Variants in ACBD6 observed in about 807,000 individuals in gnomAD.
The protein encoded by ACBD6 is acyl-CoA binding domain containing 6.
In ACBD6, 28 loss-of-function variants were observed where a neutral mutation model predicts 37.2. The observed-to-expected ratio is 0.75, with a 90% CI of 0.56 to 1.03. The LOEUF is 1.03. ACBD6 is among the 50% of genes least tolerant of loss of function. The probability of loss-of-function intolerance (pLI) is 0.00; values close to 1 mark genes in which losing one functional copy is unlikely to be tolerated. For missense variants in ACBD6, 340 were observed against 337.4 expected (o/e 1.01, Z -0.06); for synonymous variants, 113 against 126.8 (o/e 0.89, Z 0.73).
At position 180,502,498 on chromosome 1, in the gene ACBD6, C is replaced by T; in HGVS notation, c.-232G>A. 1.8e-6 allele frequency: 1 copy of T among 568,976 alleles called. No homozygotes were observed. The highest frequency in any genetic ancestry group is 2.0e-5 in the South Asian group (1 of 51,056). 35.2% of individuals were successfully genotyped at this position (568,976 alleles called of 1,614,324 possible). A position where few individuals can be genotyped will look rare whatever the true frequency, so the allele number is the denominator to read the frequency against. ...TGCCGCTCTGCCCAGTCGACCCGGT[C>T]TCCTCCGGCTTCCCTCCGGCCAACA... is the stretch of plus-strand genomic sequence containing the variant. On this transcript the variant is annotated 5_prime_UTR_variant, in exon 1 of 8. Transcript: ENST00000367595.
At chr1:180,382,609 G>C (rs1272379869) in intron 6 of ACBD6, among the ~76,000 whole-genome samples, 1 of 152,090 alleles carries the variant, frequency 6.6e-6, no homozygotes, top group Non-Finnish European at 1.5e-5. Flanking sequence ...CTTCACTGCT[G>C]AATTCTACCA....
intron 7 of ACBD6, among the ~76,000 whole-genome samples, chr1:180,310,426 A>C (rs1036828276): frequency 6.6e-6 from 1 of 152,174 alleles, no homozygotes; most frequent in African/African-American, 2.4e-5. Flanking sequence ...CAGATTAAAT[A>C]GTTTATTATT....
Position 180,280,359 on chromosome 1 carries a change from T to TAA in ACBD6, c.*174+945_*174+946dup, listed in dbSNP as rs59479521. 3.7e-3 allele frequency among the ~76,000 whole-genome samples: 561 copies of TAA among 150,038 alleles called. 3 individuals are homozygous for TAA. Among genetic ancestry groups the TAA allele is most frequent in the African/African-American group, 0.013 (511 of 40,814 alleles). ...TCTCCTTTCCTGGATAGAGAAAACT[T>TAA]AAAAAAAAAAATGCACTACATAGAA... On this transcript the variant is annotated intron_variant, in intron 9 of 13. Coordinates refer to the ACBD6 transcript ENST00000642319.
In ACBD6 at chr1:180,432,896, G is replaced by C. The variant is rs140284591; in HGVS notation, c.385-2634C>G. Among the ~76,000 whole-genome samples, 965 of 151,310 alleles carry C rather than the reference G, an allele frequency of 6.4e-3. 11 individuals are homozygous for C. Among genetic ancestry groups the C allele is most frequent in the African/African-American group, 0.022 (918 of 41,250 alleles). On this transcript the variant is annotated intron_variant, in intron 3 of 7. Coordinates refer to ENST00000367595, the MANE Select transcript of ACBD6 (RefSeq NM_032360.4). ...CTGACAGACCTATCACCAAGAAAGA[G>C]AGTGAATCAGTAATAAAAAAAAAAA...
At chr1:180,351,850 T>C (rs1351253312) in intron 6 of ACBD6, among the ~76,000 whole-genome samples, 1 of 152,214 alleles carries the variant, frequency 6.6e-6, no homozygotes, top group African/African-American at 2.4e-5. Flanking sequence ...TTTATATCCA[T>C]GTTCACAGTG....
intron 6 of ACBD6, among the ~76,000 whole-genome samples, chr1:180,368,671 A>C (rs955819151): frequency 6.6e-6 from 1 of 151,942 alleles, no homozygotes. Flanking sequence ...TCCCCAGTGA[A>C]TGCCTGAATG....
intron 3 of ACBD6, among the ~76,000 whole-genome samples, chr1:180,483,277 T>C (rs1278496454): frequency 6.6e-6 from 1 of 152,138 alleles, no homozygotes; most frequent in Non-Finnish European, 1.5e-5. Flanking sequence ...AATGTTACCT[T>C]TTCAGTGAGC....
intron 5 of ACBD6, among the ~76,000 whole-genome samples, chr1:180,404,061 CT>C (rs1175304536): frequency 6.6e-6 from 1 of 151,632 alleles, no homozygotes; most frequent in Non-Finnish European, 1.5e-5. Flanking sequence ...AGAGATTCTC[CT>C]GCCTCAGTCT....
intron 6 of ACBD6, among the ~76,000 whole-genome samples, chr1:180,341,505 T>C (rs1651986150): frequency 6.6e-6 from 1 of 152,154 alleles, no homozygotes; most frequent in African/African-American, 2.4e-5. Context: ...TTATCAGTTT[T>C]CCCTATTTTC....
intron 3 of ACBD6, among the ~76,000 whole-genome samples, chr1:180,476,392 A>C (rs2102064256): frequency 6.6e-6 from 1 of 152,314 alleles, no homozygotes; most frequent in East Asian, 1.9e-4. Flanking sequence ...AAATGGGTTA[A>C]ATTTTTTTTT....
intron 1 of ACBD6, among the ~76,000 whole-genome samples, chr1:180,500,562 C>T (rs371232865): frequency 6.6e-6 from 1 of 151,684 alleles, no homozygotes; most frequent in African/African-American, 2.4e-5. Flanking sequence ...GGCATGGCGG[C>T]AGGCACCTGT....
chr1:180,428,424 G>A (rs1389423240), intron 4 of ACBD6, among the ~76,000 whole-genome samples: 2 of 152,088 alleles, frequency 1.3e-5, no homozygotes, highest in Admixed American at 1.3e-4. Flanking sequence ...AAAATAAACT[G>A]TATTATTCTT....
intron 1 of ACBD6, among the ~76,000 whole-genome samples, chr1:180,499,844 A>C (rs1651883649): frequency 6.6e-6 from 1 of 152,238 alleles, no homozygotes; most frequent in Admixed American, 6.5e-5. Flanking sequence ...ACTATAATTT[A>C]TACCATTTGT....
chr1:180,319,118 T>G (rs1650951621), intron 6 of ACBD6, among the ~76,000 whole-genome samples: 1 of 152,198 alleles, frequency 6.6e-6, no homozygotes, highest in Admixed American at 6.5e-5. Context: ...AAACCTCCCC[T>G]GACTCCTCAA....
At chr1:180,403,930 T>TG (rs954096965) in intron 5 of ACBD6, among the ~76,000 whole-genome samples, 3 of 151,446 alleles carry the variant, frequency 2.0e-5, no homozygotes, top group African/African-American at 7.3e-5. Context: ...AAGGGAGGAA[T>TG]GGGGGGTGTT....
Position 180,471,541 on chromosome 1 carries a change from C to T in ACBD6, c.384+20728G>A, listed in dbSNP as rs182029656. 3.9e-3 allele frequency among the ~76,000 whole-genome samples: 596 copies of T among 152,108 alleles called. 5 individuals carry two copies. Among genetic ancestry groups the T allele is most frequent in the African/African-American group, 0.014 (566 of 41,494 alleles). ...TACAGTTCCACATGGCTGGGGAGGC[C>T]TCAAAATCATGGTGGGGGGCAAAAG... On this transcript the variant is annotated intron_variant, in intron 3 of 7. Transcript: ENST00000367595.
exon 14 of ACBD6, chr1:180,271,722 C>T (rs1648673582): frequency 1.5e-6 from 2 of 1,338,104 alleles, no homozygotes; most frequent in East Asian, 4.6e-5. Context: ...CACTCCCAGA[C>T]CTGTGCTCCA....
intron 6 of ACBD6, among the ~76,000 whole-genome samples, chr1:180,384,839 G>A (rs1653791212): frequency 6.6e-6 from 1 of 152,166 alleles, no homozygotes; most frequent in Non-Finnish European, 1.5e-5. Flanking sequence ...ATGAAATCAT[G>A]ACATTTGCAG....
intron 4 of ACBD6, among the ~76,000 whole-genome samples, chr1:180,428,391 T>C (rs1479791913): frequency 6.6e-6 from 1 of 152,234 alleles, no homozygotes; most frequent in Non-Finnish European, 1.5e-5. Context: ...AAATGTGTGT[T>C]GAATTGAATT....
Sources: gnomAD v4.1 joint callset for allele counts (sites outside exome capture counted in the v4.1 genomes callset) on GRCh38, gnomAD v4.1.1 for gene constraint, MANE v1.5 for transcripts, NCBI Gene and HGNC (gene_info 2026-07-23, HGNC 2026-07-21) for gene names.